JAKMIP1: variants seen among roughly 807,000 people sequenced by gnomAD.
JAKMIP1 encodes the protein janus kinase and microtubule-interacting protein 1.
Under a neutral mutation model 113.0 loss-of-function variants are expected in JAKMIP1, and 33 were observed. The observed-to-expected ratio is 0.29, with a 90% CI of 0.22 to 0.39. The LOEUF is 0.39. JAKMIP1 is among the 10% of genes least tolerant of loss of function. JAKMIP1 has a pLI of 1.00. For missense variants in JAKMIP1, 813 were observed against 1,080.5 expected (o/e 0.75, Z 3.47); for synonymous variants, 480 against 459.9 (o/e 1.04, Z -0.56).
Position 6,168,805 on chromosome 4 carries a change from T to C in JAKMIP1, c.-148+31448A>G, listed in dbSNP as rs1196923257. 2.0e-5 allele frequency among the ~76,000 whole-genome samples: 3 copies of C among 151,584 alleles called. No individual in the cohort carries two copies. Among genetic ancestry groups the C allele is most frequent in the African/African-American group, 4.9e-5 (2 of 41,172 alleles). On this transcript the variant is annotated intron_variant, in intron 1 of 20. Transcript: ENST00000409021. This position sits in a 1 kb window ranked among gnomAD's most constrained non-coding sequence, Gnocchi z 4.6. ...GTCCCAGCTACTTGGGAGGCTGATG[T>C]GGGAGAATCACTTGAGCCTGGGGAG...
intron 4 of JAKMIP1, 90 bp downstream of exon 4, chr4:6,085,330 C>T (rs7666743): frequency 0.89 from 941,469 of 1,059,148 alleles, 419,441 homozygotes; most frequent in East Asian, 0.99. Flanking sequence ...GAATACATGC[C>T]ACCTCAGAGT....
At chr4:6,115,332 C>A (rs1290983418) in intron 1 of JAKMIP1, among the ~76,000 whole-genome samples, 3 of 152,188 alleles carry the variant, frequency 2.0e-5, no homozygotes, top group African/African-American at 7.2e-5. Context: ...ATTGCTTGAA[C>A]CTGGGAGGCG....
intron 1 of JAKMIP1, among the ~76,000 whole-genome samples, chr4:6,173,335 G>A (rs918055363): frequency 2.6e-5 from 4 of 152,324 alleles, no homozygotes; most frequent in Admixed American, 6.5e-5. Flanking sequence ...AAATTGGTCT[G>A]CAAGCAAAGA....
At chr4:6,028,995 C>T (rs1365954845) in intron 20 of JAKMIP1, among the ~76,000 whole-genome samples, 2 of 152,188 alleles carry the variant, frequency 1.3e-5, no homozygotes, top group Non-Finnish European at 2.9e-5. Flanking sequence ...CACAGCCATC[C>T]GGTGGAAGAA....
intron 2 of JAKMIP1, among the ~76,000 whole-genome samples, chr4:6,111,641 G>A (rs1437135418): frequency 1.3e-5 from 2 of 152,190 alleles, no homozygotes; most frequent in African/African-American, 4.8e-5. Context: ...ACCAGTTAGC[G>A]GACAAGCTGA....
At chr4:6,130,207 A>G (rs1196259429) in intron 1 of JAKMIP1, among the ~76,000 whole-genome samples, 1 of 152,256 alleles carries the variant, frequency 6.6e-6, no homozygotes, top group Non-Finnish European at 1.5e-5. Flanking sequence ...GCAGGGGAAG[A>G]AGGAGGGAGC....
intron 13 of JAKMIP1, among the ~76,000 whole-genome samples, chr4:6,053,233 C>T (rs200822132): frequency 6.6e-6 from 1 of 152,212 alleles, no homozygotes; most frequent in East Asian, 1.9e-4. Flanking sequence ...GGTAAGATTT[C>T]AGCTGGAAGC....
At chr4:6,121,707 G>C (rs192332748) in intron 1 of JAKMIP1, among the ~76,000 whole-genome samples, 165 of 152,350 alleles carry the variant, frequency 1.1e-3, no homozygotes, top group African/African-American at 3.6e-3. Context: ...ATGTTCAAGA[G>C]CATTAAACAG....
intron 1 of JAKMIP1, among the ~76,000 whole-genome samples, chr4:6,159,736 TG>T (rs1157230401): frequency 1.9e-4 from 29 of 152,198 alleles, no homozygotes; most frequent in Non-Finnish European, 5.9e-5. Flanking sequence ...AACTGGCACA[TG>T]TTTTCTAGGG....
chr4:6,078,270 G>T (rs777655238), intron 8 of JAKMIP1, among the ~76,000 whole-genome samples: 2 of 150,768 alleles, frequency 1.3e-5, no homozygotes, highest in Non-Finnish European at 2.9e-5. Context: ...AGCCGAGATG[G>T]TGTCACTGCA....
rs971277191 is a variant in JAKMIP1, at chr4:6,185,880, A to G, written c.-148+14373T>C. Among the ~76,000 whole-genome samples, 1 of 152,210 alleles carries G rather than the reference A, an allele frequency of 6.6e-6. No individual in the cohort carries two copies. The highest frequency in any genetic ancestry group is 1.5e-5 in the Non-Finnish European group (1 of 68,038). On this transcript the variant is annotated intron_variant, in intron 1 of 20. Coordinates refer to ENST00000409021, the MANE Select transcript of JAKMIP1 (RefSeq NM_001099433.2). This position sits in a 1 kb window ranked among gnomAD's most constrained non-coding sequence, Gnocchi z 5.3. The stretch of plus-strand genomic sequence containing the variant: ...GCCCACAGCCAAGTTTTCTATCTAA[A>G]CTATTAAAACTACATTGAGAAAATA...
At chr4:6,171,174 TTAC>T (rs1724624782) in intron 1 of JAKMIP1, among the ~76,000 whole-genome samples, 1 of 126,716 alleles carries the variant, frequency 7.9e-6, no homozygotes, top group African/African-American at 3.1e-5. Context: ...TCCATCACCA[TTAC>T]CACCACCATC....
rs1489332028 is a variant in JAKMIP1 at position 6,040,757 on chromosome 4, C to G, written c.2098-41G>C. ...GCGCCATCAGGGACCAGCGTCAGAA[C>G]AGGAATCCATGACAGCTTCAGAGCC... is the stretch of plus-strand genomic sequence containing the variant. On this transcript the variant is annotated intron_variant, in intron 17 of 20. Coordinates refer to ENST00000409021, the MANE Select transcript of JAKMIP1 (RefSeq NM_001099433.2). This position sits in a 1 kb window ranked among gnomAD's most constrained non-coding sequence, Gnocchi z 5.8. 6.5e-7 allele frequency: 1 copy of G among 1,531,272 alleles called. No individual in the cohort carries two copies. The highest frequency in any genetic ancestry group is 1.7e-4 in the Middle Eastern group (1 of 5,776). The allele number at this position is 1,531,272 out of a possible 1,614,324, so 94.9% of individuals were successfully genotyped here.
intron 9 of JAKMIP1, among the ~76,000 whole-genome samples, chr4:6,062,915 G>A (rs1717516521): frequency 6.6e-6 from 1 of 152,248 alleles, no homozygotes; most frequent in African/African-American, 2.4e-5. Context: ...GGGAGGCTGA[G>A]GCAGATCACC....
At position 6,081,496 on chromosome 4, in the gene JAKMIP1, G is replaced by A. The variant is rs1407694076; in HGVS notation, c.1101+113C>T. The stretch of plus-strand genomic sequence containing the variant: ...CTGACACTGTGCCTGGTGCTTTGTG[G>A]GGAGGTGGGCAGCAGGTGCGCCCCA... On this transcript the variant is annotated intron_variant, in intron 6 of 20. Transcript: ENST00000409021. The surrounding 1 kb of genome is among the most constrained non-coding windows in gnomAD (Gnocchi z 4.6). 2.6e-6 allele frequency: 3 copies of A among 1,145,506 alleles called. No homozygotes were observed. The highest frequency in any genetic ancestry group is 3.8e-6 in the Non-Finnish European group (3 of 788,096). The allele number at this position is 1,145,506 out of a possible 1,614,324, so 71.0% of individuals were successfully genotyped here.
chr4:6,134,871 C>T (rs745529875), intron 1 of JAKMIP1, among the ~76,000 whole-genome samples: 29 of 152,190 alleles, frequency 1.9e-4, no homozygotes, highest in African/African-American at 6.0e-4. Context: ...GGGAGGGTGG[C>T]GCATGCATAA....
chr4:6,063,373 G>A lies in JAKMIP1; in HGVS notation c.1432-933C>T, dbSNP rs76817616. ...TGGGAAAAAGCAAACTGAAAATCAC[G>A]CATCCTGTTTTAAGTTAAACATAAA... On this transcript the variant is annotated intron_variant, in intron 9 of 20. Transcript: ENST00000409021. Among the ~76,000 whole-genome samples the A allele has an allele frequency of 1.9e-3, 295 of 152,304 alleles. 3 individuals carry two copies. The highest frequency in any genetic ancestry group is 6.8e-3 in the African/African-American group (281 of 41,560).
chr4:6,099,863 T>C (rs1355621951), intron 3 of JAKMIP1, among the ~76,000 whole-genome samples: 1 of 152,224 alleles, frequency 6.6e-6, no homozygotes, highest in African/African-American at 2.4e-5. Context: ...TTAACAGATG[T>C]CTCTGTTTCG....
Position 6,075,062 on chromosome 4 carries a change from T to C in JAKMIP1, c.1302+3877A>G, listed in dbSNP as rs564873221. On this transcript the variant is annotated intron_variant, in intron 8 of 20. Coordinates refer to ENST00000409021, the MANE Select transcript of JAKMIP1 (RefSeq NM_001099433.2). ...ATGACTCTAGTTTTAGACTGTATTG[T>C]TTAGTGAATAATGAAAAGGAAAAAA... 9.8e-5 allele frequency among the ~76,000 whole-genome samples: 15 copies of C among 152,320 alleles called. No individual in the cohort carries two copies. In the South Asian group the frequency reaches 3.1e-3, roughly 32 times the overall value.
Sources: gnomAD v4.1 joint callset for allele counts (sites outside exome capture counted in the v4.1 genomes callset) on GRCh38, gnomAD v4.1.1 for gene constraint, Gnocchi (gnomAD v3.1) non-coding constraint, MANE v1.5 for transcripts, NCBI Gene and HGNC (gene_info 2026-07-23, HGNC 2026-07-21) for gene names.